Variants in INVS observed in about 807,000 individuals in gnomAD.
INVS encodes the protein inversion of embryo turning homolog.
In INVS, 86 loss-of-function variants were observed where a neutral mutation model predicts 108.8. The observed-to-expected ratio is 0.79, with a 90% CI of 0.66 to 0.95. The LOEUF (loss-of-function observed/expected upper bound fraction) is 0.95. Among genes scored for constraint, INVS ranks in the 40% least tolerant of loss-of-function variants. The pLI is 0.00. For synonymous variants in INVS, 455 were observed against 473.5 expected, an observed-to-expected ratio of 0.96 and a Z score of 0.51; for missense variants, 1,169 against 1,297.4, an observed-to-expected ratio of 0.90 and a Z score of 1.52.
Position 100,100,637 on chromosome 9 carries a change from ATTATATATGTATATATAATATATATATT to A in INVS, c.-25+1222_-25+1249del, listed in dbSNP as rs1564111175. Among the ~76,000 whole-genome samples, 25 of 68,060 alleles carry A rather than the reference ATTATATATGTATATATAATATATATATT, an allele frequency of 3.7e-4. 1 individual carries two copies. Among genetic ancestry groups the A allele is most frequent in the Admixed American group, 9.5e-4 (4 of 4,204 alleles). The allele number at this position is 68,060 out of a possible 152,430, so 44.7% of individuals were successfully genotyped here. A position where few individuals can be genotyped will look rare whatever the true frequency, so the allele number is the denominator to read the frequency against. On this transcript the variant is annotated intron_variant, in intron 1 of 16. Coordinates refer to ENST00000262457, the MANE Select transcript of INVS (RefSeq NM_014425.5). ...TAATATATGTATATATAATATATAT[ATTATATATGTATATATAATATATATATT>A]ATATATGTACATATAATATATATAT...
chr9:100,265,283 A>G (rs965433629), intron 11 of INVS, among the ~76,000 whole-genome samples: 2 of 152,124 alleles, frequency 1.3e-5, no homozygotes, highest in African/African-American at 4.8e-5. Context: ...TCTTTATCAT[A>G]CATCCTTTCT....
chr9:100,227,120 T>A (rs879737587), intron 4 of INVS, among the ~76,000 whole-genome samples: 1 of 152,216 alleles, frequency 6.6e-6, no homozygotes, highest in Non-Finnish European at 1.5e-5. Flanking sequence ...GTATTACATT[T>A]CAGTAAATAG....
intron 14 of INVS, among the ~76,000 whole-genome samples, chr9:100,295,999 T>C (rs1833779216): frequency 6.6e-6 from 1 of 152,182 alleles, no homozygotes; most frequent in African/African-American, 2.4e-5. Context: ...GGAAGAGTAG[T>C]GTAGGCTGAC....
chr9:100,101,088 A>G (rs1291123987), intron 1 of INVS, among the ~76,000 whole-genome samples: 1 of 128,694 alleles, frequency 7.8e-6, no homozygotes, highest in East Asian at 2.0e-4. Flanking sequence ...ACACACACAT[A>G]TATATAAAAC....
At chr9:100,286,177 A>G (rs1435578339) in intron 13 of INVS, among the ~76,000 whole-genome samples, 1 of 152,218 alleles carries the variant, frequency 6.6e-6, no homozygotes, top group Non-Finnish European at 1.5e-5. Flanking sequence ...GTTATAGCCC[A>G]TAACTCATCA....
intron 2 of INVS, among the ~76,000 whole-genome samples, chr9:100,120,253 TAC>T (rs1180082181): frequency 6.6e-6 from 1 of 152,132 alleles, no homozygotes; most frequent in Admixed American, 6.5e-5. Flanking sequence ...CATTCAAACT[TAC>T]ACAGATTCCT....
chr9:100,267,068 A>G (rs188981379), intron 11 of INVS, among the ~76,000 whole-genome samples: 2 of 147,206 alleles, frequency 1.4e-5, no homozygotes, highest in Non-Finnish European at 3.0e-5. Context: ...CCTTAGACTT[A>G]GTGATGACTT....
intron 2 of INVS, among the ~76,000 whole-genome samples, chr9:100,113,412 T>C (rs1233366073): frequency 6.6e-6 from 1 of 152,244 alleles, no homozygotes; most frequent in African/African-American, 2.4e-5. Flanking sequence ...TTCTTGCTTT[T>C]TACCAGCGAA....
At chr9:100,246,860 A>T in intron 8 of INVS, 73 bp downstream of exon 8, 2 of 1,309,292 alleles carry the variant, frequency 1.5e-6, no homozygotes, top group Non-Finnish European at 2.2e-6. Flanking sequence ...TAAAATTTGT[A>T]AAATAGCAAC....
intron 5 of INVS, among the ~76,000 whole-genome samples, chr9:100,231,771 G>A (rs1354711739): frequency 2.0e-5 from 3 of 152,092 alleles, no homozygotes; most frequent in Non-Finnish European, 4.4e-5. Flanking sequence ...CATTTGGGTT[G>A]GTTCCATGAC....
chr9:100,162,152 A>C (rs1388415533), intron 3 of INVS, among the ~76,000 whole-genome samples: 1 of 152,230 alleles, frequency 6.6e-6, no homozygotes, highest in Non-Finnish European at 1.5e-5. Flanking sequence ...TCAGAAATGC[A>C]GTCTATGCTC....
chr9:100,182,962 A>G (rs749932436), intron 3 of INVS, among the ~76,000 whole-genome samples: 43 of 152,194 alleles, frequency 2.8e-4, no homozygotes, highest in Non-Finnish European at 5.6e-4. Flanking sequence ...GGATGAGTTC[A>G]TGTCCTTTCC....
chr9:100,246,752 T>TA lies in INVS; in HGVS notation c.1044dup (p.Asp349ArgfsTer3). On this transcript the variant is annotated frameshift_variant, in exon 8 of 17. Coordinates refer to ENST00000262457, the MANE Select transcript of INVS (RefSeq NM_014425.5). LOFTEE classifies it high-confidence loss of function. ...ACTATGCTGAGCTTAAAATCGGACA[T>TA]AGATATTAACATGGCTGACAAATAT... The TA allele has an allele frequency of 6.2e-7, 1 of 1,614,078 alleles. No homozygotes were observed. Among genetic ancestry groups the TA allele is most frequent in the Non-Finnish European group, 8.5e-7 (1 of 1,179,940 alleles).
chr9:100,225,635 A>C (rs1831291587), intron 3 of INVS, among the ~76,000 whole-genome samples: 1 of 152,188 alleles, frequency 6.6e-6, no homozygotes, highest in Non-Finnish European at 1.5e-5. Flanking sequence ...AATACACCAA[A>C]CACTGTAAAA....
At chr9:100,253,738 A>G (rs1308438359) in intron 10 of INVS, among the ~76,000 whole-genome samples, 2 of 152,230 alleles carry the variant, frequency 1.3e-5, no homozygotes, top group African/African-American at 2.4e-5. Context: ...TACAAAGGAC[A>G]TGAACTCATC....
At chr9:100,134,186 T>A (rs1194909717) in intron 3 of INVS, among the ~76,000 whole-genome samples, 1 of 152,066 alleles carries the variant, frequency 6.6e-6, no homozygotes, top group Admixed American at 6.6e-5. Flanking sequence ...TGAGAACATA[T>A]GATGTTTGGT....
At chr9:100,117,698 T>A in intron 2 of INVS, 1 of 582,136 alleles carries the variant, frequency 1.7e-6, no homozygotes, top group Non-Finnish European at 3.0e-6. Context: ...TAGATTTAAG[T>A]TTATGATACG....
Position 100,239,858 on chromosome 9 carries a change from G to C in INVS, c.616-202G>C, listed in dbSNP as rs577317733. Among the ~76,000 whole-genome samples the C allele has an allele frequency of 8.2e-4, 125 of 152,230 alleles. 4 individuals carry two copies. In the South Asian group the frequency reaches 0.025, roughly 30 times the overall value. ...GTGGTGGGATGTGCCTGTAGTCCCA[G>C]CTACTTGGGAAGCTGAGGCAGGATT... On this transcript the variant is annotated intron_variant, in intron 5 of 16. Transcript: ENST00000262457.
intron 12 of INVS, 37 bp downstream of exon 12, chr9:100,273,113 C>A: frequency 6.5e-7 from 1 of 1,549,420 alleles, no homozygotes; most frequent in Non-Finnish European, 8.9e-7. Context: ...TTTCGCCACC[C>A]AGAATCAGGG....
Sources: allele counts gnomAD v4.1 joint callset (sites outside exome capture counted in the v4.1 genomes callset), GRCh38; gene constraint gnomAD v4.1.1; transcripts MANE v1.5; gene names NCBI Gene and HGNC (gene_info 2026-07-23, HGNC 2026-07-21).